MAPK4: variants seen among roughly 807,000 people sequenced by gnomAD.
MAPK4 encodes Erk3-related.
In MAPK4, 22 loss-of-function variants were observed where a neutral mutation model predicts 47.7. That is an observed-to-expected ratio of 0.46 (90% CI 0.33 to 0.66). The LOEUF is 0.66. MAPK4 is among the 30% of genes least tolerant of loss of function. The probability of loss-of-function intolerance (pLI) is 0.02; values close to 1 mark genes in which losing one functional copy is unlikely to be tolerated. For missense variants in MAPK4, 736 were observed against 831.7 expected (o/e 0.88, Z 1.42); for synonymous variants, 390 against 365.7 (o/e 1.07, Z -0.76).
rs570409934 is a variant in MAPK4, at chr18:50,691,032, G to A, written c.547-24047G>A. Reference sequence around the variant, plus strand: ...TTTTGAGACAGGGTCTCGCTGTGTCGCCCAGGCTGGAATGCAGTGGCTCAA... The same window carrying A: ...TTTTGAGACAGGGTCTCGCTGTGTCACCCAGGCTGGAATGCAGTGGCTCAA... On this transcript the variant is annotated intron_variant, in intron 2 of 5. Transcript: ENST00000400384. 3.5e-4 allele frequency among the ~76,000 whole-genome samples: 53 copies of A among 151,616 alleles called. 1 individual carries two copies. Among genetic ancestry groups the A allele is most frequent in the Middle Eastern group, 3.4e-3 (1 of 294 alleles).
chr18:50,605,515 A>C (rs2042575230), intron 1 of MAPK4, among the ~76,000 whole-genome samples: 1 of 151,956 alleles, frequency 6.6e-6, no homozygotes, highest in Non-Finnish European at 1.5e-5. Context: ...TGCAAGAGAA[A>C]CTCTTTATGC....
At chr18:50,677,628 C>T (rs1225700615) in intron 2 of MAPK4, among the ~76,000 whole-genome samples, 12 of 152,004 alleles carry the variant, frequency 7.9e-5, no homozygotes, top group Non-Finnish European at 1.5e-5. Context: ...TCATAGCTCA[C>T]TGCAGACTCC....
chr18:50,565,806 T>G (rs1215810316), intron 1 of MAPK4, among the ~76,000 whole-genome samples: 1 of 152,222 alleles, frequency 6.6e-6, no homozygotes. Context: ...CCATACCATA[T>G]AGCCTAGGTA....
chr18:50,621,829 C>T (rs755314915), intron 1 of MAPK4, among the ~76,000 whole-genome samples: 3 of 152,214 alleles, frequency 2.0e-5, no homozygotes, highest in Admixed American at 6.5e-5. Flanking sequence ...CAAGTACCTG[C>T]GATACTTTCT....
chr18:50,692,808 G>A (rs1378507402), intron 2 of MAPK4, among the ~76,000 whole-genome samples: 1 of 152,064 alleles, frequency 6.6e-6, no homozygotes, highest in Non-Finnish European at 1.5e-5. Context: ...CCTTTTACAG[G>A]ATCCCCAGGC....
At chr18:50,712,023 C>T (rs547337504) in intron 2 of MAPK4, among the ~76,000 whole-genome samples, 1 of 152,214 alleles carries the variant, frequency 6.6e-6, no homozygotes, top group Admixed American at 6.5e-5. Context: ...TGGAGCTTCC[C>T]ATATATTCCC....
At chr18:50,568,941 G>T (rs1212284184) in intron 1 of MAPK4, among the ~76,000 whole-genome samples, 1 of 152,110 alleles carries the variant, frequency 6.6e-6, no homozygotes, top group Non-Finnish European at 1.5e-5. Flanking sequence ...TATGGGTCTT[G>T]GTTCTTTATT....
intron 1 of MAPK4, among the ~76,000 whole-genome samples, chr18:50,600,595 C>T (rs1391298757): frequency 6.6e-6 from 1 of 152,176 alleles, no homozygotes; most frequent in Non-Finnish European, 1.5e-5. Context: ...GGGCACAAAA[C>T]CAGGAGAATG....
chr18:50,578,353 G>C (rs1204938191), intron 1 of MAPK4, among the ~76,000 whole-genome samples: 1 of 152,190 alleles, frequency 6.6e-6, no homozygotes, highest in Non-Finnish European at 1.5e-5. Flanking sequence ...TGGAACACTT[G>C]TTAAACTACA....
intron 2 of MAPK4, among the ~76,000 whole-genome samples, chr18:50,701,519 G>A (rs1360150509): frequency 3.9e-5 from 6 of 152,060 alleles, no homozygotes; most frequent in Non-Finnish European, 7.3e-5. Flanking sequence ...CTATGTTTAC[G>A]TGGTTTGCAG....
At position 50,729,215 on chromosome 18, in the gene MAPK4, C is replaced by T. The variant is rs949119986; in HGVS notation, c.1125C>T (p.Ala375=). Residue 375 remains alanine, a synonymous_variant, in exon 6 of 6, where the codon GCC becomes GCT. Coordinates refer to ENST00000400384, the MANE Select transcript of MAPK4 (RefSeq NM_002747.4). ...LEWRPDRCQD[A]SEVQRDPRAG... Reference sequence around the variant, plus strand: ...GGCGGCCTGACCGGTGCCAGGACGCCAGCGAGGTACAGCGCGACCCGCGCG... The same window carrying T: ...GGCGGCCTGACCGGTGCCAGGACGCTAGCGAGGTACAGCGCGACCCGCGCG... 1.6e-5 allele frequency: 26 copies of T among 1,599,922 alleles called. No homozygotes were observed. The African/African-American group carries it at 2.7e-4, about 16-fold the overall frequency.
intron 2 of MAPK4, among the ~76,000 whole-genome samples, chr18:50,671,045 C>G (rs912047007): frequency 2.0e-5 from 3 of 152,212 alleles, no homozygotes; most frequent in Non-Finnish European, 4.4e-5. Context: ...CTGTGGCTCT[C>G]AAACTTCAGC....
At chr18:50,639,465 C>G (rs779872636) in intron 1 of MAPK4, among the ~76,000 whole-genome samples, 112 of 151,848 alleles carry the variant, frequency 7.4e-4, no homozygotes, top group Admixed American at 1.4e-3. Context: ...TTTTATGGTT[C>G]AATATAAATG....
intron 1 of MAPK4, among the ~76,000 whole-genome samples, chr18:50,588,042 G>C (rs1204953491): frequency 6.6e-6 from 1 of 152,098 alleles, no homozygotes; most frequent in African/African-American, 2.4e-5. Context: ...CAATGATGTT[G>C]TTTATGCCAG....
At chr18:50,674,054 A>T (rs1166587279) in intron 2 of MAPK4, among the ~76,000 whole-genome samples, 1 of 152,126 alleles carries the variant, frequency 6.6e-6, no homozygotes, top group African/African-American at 2.4e-5. Context: ...GCCTCGGTGC[A>T]TAAGTGTTGA....
chr18:50,616,344 C>T (rs571777827), intron 1 of MAPK4, among the ~76,000 whole-genome samples: 11 of 152,296 alleles, frequency 7.2e-5, no homozygotes, highest in African/African-American at 2.6e-4. Flanking sequence ...CAACTCTCCT[C>T]AGCCTCTGGA....
chr18:50,712,185 G>A (rs537583393), intron 2 of MAPK4, among the ~76,000 whole-genome samples: 26 of 152,284 alleles, frequency 1.7e-4, no homozygotes, highest in Admixed American at 1.2e-3. Context: ...CCAGCACTTC[G>A]AAAGGCCGAG....
intron 1 of MAPK4, among the ~76,000 whole-genome samples, chr18:50,575,415 C>T (rs1031970169): frequency 6.6e-6 from 1 of 152,230 alleles, no homozygotes; most frequent in Non-Finnish European, 1.5e-5. Context: ...AAATTCACTC[C>T]TAGGCACCTG....
chr18:50,585,938 A>G (rs1041265361), intron 1 of MAPK4, among the ~76,000 whole-genome samples: 3 of 152,192 alleles, frequency 2.0e-5, no homozygotes, highest in East Asian at 1.9e-4. Flanking sequence ...CCATGATTCA[A>G]TTATCTCCCA....
Sources: allele counts gnomAD v4.1 joint callset (sites outside exome capture counted in the v4.1 genomes callset), GRCh38; gene constraint gnomAD v4.1.1; transcripts MANE v1.5; gene names NCBI Gene and HGNC (gene_info 2026-07-23, HGNC 2026-07-21).